TATDN1: variants seen among roughly 807,000 people sequenced by gnomAD.
TATDN1 encodes the protein TatD DNase domain containing 1, also known as deoxyribonuclease TATDN1.
A neutral mutation model predicts 46.4 loss-of-function variants in TATDN1; 40 were observed. The observed-to-expected ratio is 0.86, with a 90% confidence interval of 0.67 to 1.12. TATDN1 has a LOEUF of 1.12. Among genes scored for constraint, TATDN1 ranks in the 50% most tolerant of loss-of-function variants. The pLI is 0.00. For missense variants in TATDN1, 326 were observed against 348.4 expected, an observed-to-expected ratio of 0.94 and a Z score of 0.51; for synonymous variants, 95 against 105.6, an observed-to-expected ratio of 0.90 and a Z score of 0.62.
At position 124,502,888 on chromosome 8, in the gene TATDN1, C is replaced by T. The variant is rs111889632; in HGVS notation, c.593+1383G>A. Among the ~76,000 whole-genome samples, 671 of 152,202 alleles carry T rather than the reference C, an allele frequency of 4.4e-3. 6 individuals are homozygous for T. The highest frequency in any genetic ancestry group is 0.015 in the African/African-American group (631 of 41,514). On this transcript the variant is annotated intron_variant, in intron 9 of 11. Coordinates refer to ENST00000276692, the MANE Select transcript of TATDN1 (RefSeq NM_032026.4). The stretch of plus-strand genomic sequence containing the variant: ...GTGTGGTGGCATGCACCAGTAATAC[C>T]AGCTACTCAGGAGGCTGAGGTGGGA...
In TATDN1 at chr8:124,495,543, C is replaced by T; in HGVS notation, c.594-1G>A. 6.3e-7 allele frequency: 1 copy of T among 1,590,584 alleles called. No homozygotes were observed. Among genetic ancestry groups the T allele is most frequent in the Non-Finnish European group, 8.5e-7 (1 of 1,171,028 alleles). ...CAAATTAGCTTCAGTTTTCAGTGAG[C>T]TTAAAAAAAAGTGTATATTTATTTT... On this transcript the variant is annotated splice_acceptor_variant, in intron 9 of 11. Transcript: ENST00000276692. LOFTEE classifies it high-confidence loss of function.
At chr8:124,495,303 T>G in intron 10 of TATDN1, 169 bp downstream of exon 10, 1 of 617,014 alleles carries the variant, frequency 1.6e-6, no homozygotes, top group Non-Finnish European at 2.8e-6. Context: ...TTGCATATGT[T>G]TTTCCATTAA....
chr8:124,517,928 T>C (rs1019939525), intron 4 of TATDN1, among the ~76,000 whole-genome samples: 96 of 152,092 alleles, frequency 6.3e-4, no homozygotes, highest in Admixed American at 7.2e-4. Flanking sequence ...ACACCTGAGG[T>C]TGGCTGGGCA....
intron 3 of TATDN1, among the ~76,000 whole-genome samples, chr8:124,521,428 C>T (rs1384328626): frequency 6.6e-6 from 1 of 152,120 alleles, no homozygotes; most frequent in East Asian, 1.9e-4. Flanking sequence ...ATTTACCAAG[C>T]AGAGTGACTA....
chr8:124,533,683 A>C (rs961604575), intron 1 of TATDN1, among the ~76,000 whole-genome samples: 1 of 152,180 alleles, frequency 6.6e-6, no homozygotes, highest in Admixed American at 6.6e-5. Flanking sequence ...GAAGGAGACC[A>C]GGACCAACCC....
intron 1 of TATDN1, among the ~76,000 whole-genome samples, chr8:124,535,429 A>C (rs988443301): frequency 2.0e-5 from 3 of 152,222 alleles, no homozygotes; most frequent in Admixed American, 2.0e-4. Flanking sequence ...TTTAAGGAAC[A>C]ACCAAATGTG....
intron 1 of TATDN1, among the ~76,000 whole-genome samples, chr8:124,534,713 A>C (rs1029012604): frequency 2.0e-5 from 3 of 152,180 alleles, no homozygotes; most frequent in African/African-American, 7.2e-5. Context: ...ATCTACCTGG[A>C]TATAACATCA....
At chr8:124,499,475 T>C (rs929142470) in intron 9 of TATDN1, among the ~76,000 whole-genome samples, 8 of 152,210 alleles carry the variant, frequency 5.3e-5, no homozygotes, top group African/African-American at 1.9e-4. Flanking sequence ...CCAGTATTTC[T>C]ATTTAATAAG....
chr8:124,517,614 A>C (rs1819600207), intron 4 of TATDN1, among the ~76,000 whole-genome samples: 1 of 152,218 alleles, frequency 6.6e-6, no homozygotes, highest in African/African-American at 2.4e-5. Flanking sequence ...ACGTAAGATA[A>C]TGCAAAAAAA....
At position 124,508,456 on chromosome 8, in the gene TATDN1, T is replaced by G. The variant is rs1263626440; in HGVS notation, c.516+18A>C. 3.1e-6 allele frequency: 5 copies of G among 1,605,696 alleles called. No individual in the cohort carries two copies. The highest frequency in any genetic ancestry group is 4.3e-6 in the Non-Finnish European group (5 of 1,174,636). On this transcript the variant is annotated intron_variant, in intron 8 of 11. Coordinates refer to ENST00000276692, the MANE Select transcript of TATDN1 (RefSeq NM_032026.4). ...AGAGATGTTCAACCTGTATTAAAAA[T>G]GACTATTTTATACTTACCACTCCCC...
intron 6 of TATDN1, among the ~76,000 whole-genome samples, chr8:124,515,253 T>A (rs963366202): frequency 6.6e-6 from 1 of 152,118 alleles, no homozygotes; most frequent in Admixed American, 6.5e-5. Context: ...TGGTGGCACA[T>A]GCCTGTAATC....
In TATDN1 at chr8:124,522,938, T is replaced by G. The variant is rs962079141; in HGVS notation, c.87A>C (p.Gln29His). The stretch of plus-strand genomic sequence containing the variant: ...CGCCTTAATAAAGGAAATATTTACC[T>G]TGATGCTTTTGAACCCCCCTATAAA... ...RGIYRGVQKH[Q>H]DDLQDVIGRA... Residue 29 changes from glutamine (Q) to histidine (H), a missense_variant and splice_region_variant, in exon 2 of 12, where the codon CAA becomes CAC. Physicochemically the swap from Gln to His is conservative, Grantham distance 24. Transcript: ENST00000276692. 6.2e-7 allele frequency: 1 copy of G among 1,612,592 alleles called. No homozygotes were observed. The highest frequency in any genetic ancestry group is 8.5e-7 in the Non-Finnish European group (1 of 1,178,972).
chr8:124,516,179 CAT>C lies in TATDN1; in HGVS notation c.203-151_203-150del, dbSNP rs1819456610. 5.0e-6 allele frequency: 3 copies of C among 601,226 alleles called. No homozygotes were observed. In the East Asian group the frequency reaches 9.7e-5, roughly 19 times the overall value. 37.2% of individuals were successfully genotyped at this position (601,226 alleles called of 1,614,324 possible). On this transcript the variant is annotated intron_variant, in intron 4 of 11. Coordinates refer to ENST00000276692, the MANE Select transcript of TATDN1 (RefSeq NM_032026.4). ...ATTATAAGAACTGCATTATGTTAAT[CAT>C]ATGACAATTTTTAGAATACCTAAAC...
At position 124,539,022 on chromosome 8, in the gene TATDN1, T is replaced by TA. The variant is rs773651657; in HGVS notation, c.22+2dup. ...CCAAGGGCGTGGAAAACGCTCCTCT[T>TA]ACCGATAAACTTGAAGCGACTCATG... On this transcript the variant is annotated splice_region_variant and intron_variant, in intron 1 of 11. Transcript: ENST00000276692. 1 of 1,614,088 alleles carries TA rather than the reference T, an allele frequency of 6.2e-7. No individual in the cohort carries two copies. Among genetic ancestry groups the TA allele is most frequent in the South Asian group, 1.1e-5 (1 of 91,078 alleles).
intron 6 of TATDN1, among the ~76,000 whole-genome samples, chr8:124,511,923 G>A (rs893439787): frequency 6.6e-6 from 1 of 152,176 alleles, no homozygotes; most frequent in Non-Finnish European, 1.5e-5. Context: ...ACAAAGGGAT[G>A]AAGTGACACC....
chr8:124,527,203 G>T (rs1261548839), intron 1 of TATDN1, among the ~76,000 whole-genome samples: 1 of 152,222 alleles, frequency 6.6e-6, no homozygotes, highest in Admixed American at 6.5e-5. Context: ...TTCATGAAAG[G>T]TGGATTCATG....
At chr8:124,537,303 GGAGT>G (rs1821530831) in intron 1 of TATDN1, among the ~76,000 whole-genome samples, 1 of 152,168 alleles carries the variant, frequency 6.6e-6, no homozygotes, top group Non-Finnish European at 1.5e-5. Flanking sequence ...TAAGTTTTAA[GGAGT>G]GAGTAGGCAG....
At chr8:124,535,347 T>C (rs1408052373) in intron 1 of TATDN1, among the ~76,000 whole-genome samples, 1 of 152,214 alleles carries the variant, frequency 6.6e-6, no homozygotes, top group East Asian at 1.9e-4. Context: ...CACGTGGCCC[T>C]CAAAGTCTAA....
At chr8:124,529,334 G>A (rs533037025) in intron 1 of TATDN1, among the ~76,000 whole-genome samples, 35 of 152,218 alleles carry the variant, frequency 2.3e-4, no homozygotes, top group African/African-American at 7.7e-4. Flanking sequence ...CCCAACACTC[G>A]GAATTAATAT....
Sources: gnomAD v4.1 joint callset for allele counts (sites outside exome capture counted in the v4.1 genomes callset) on GRCh38, gnomAD v4.1.1 for gene constraint, MANE v1.5 for transcripts, NCBI Gene and HGNC (gene_info 2026-07-23, HGNC 2026-07-21) for gene names.